The following NR6A1 variants were observed in gnomAD, a reference collection of about 807,000 sequenced individuals.
NR6A1 encodes the protein nuclear receptor subfamily 6 group A member 1, also known as retinoic acid receptor-related testis-associated receptor.
Under a neutral mutation model 59.1 loss-of-function variants are expected in NR6A1, and 7 were observed. That is an observed-to-expected ratio of 0.12 (90% confidence interval 0.07 to 0.22). NR6A1 has a LOEUF of 0.22. NR6A1 is among the 10% of genes least tolerant of loss of function. The pLI is 1.00. For missense variants in NR6A1, 468 were observed against 611.6 expected (o/e 0.77, Z 2.48); for synonymous variants, 243 against 236.1 (o/e 1.03, Z -0.27).
chr9:124,611,994 C>A (rs1433016520), intron 2 of NR6A1, among the ~76,000 whole-genome samples: 1 of 152,106 alleles, frequency 6.6e-6, no homozygotes, highest in Non-Finnish European at 1.5e-5. Flanking sequence ...AGGTGCTTGT[C>A]TTAGCTGGGG....
chr9:124,543,724 T>G, intron 4 of NR6A1, 78 bp downstream of exon 4: 1 of 1,100,302 alleles, frequency 9.1e-7, no homozygotes, highest in Non-Finnish European at 1.3e-6. Context: ...GATGAAAGAG[T>G]CAAGGTGAGC....
intron 2 of NR6A1, among the ~76,000 whole-genome samples, chr9:124,572,137 G>A (rs531908380): frequency 6.8e-4 from 103 of 152,318 alleles, no homozygotes; most frequent in African/African-American, 2.4e-3. Flanking sequence ...AACAGGCTGA[G>A]GGACGAGGCA....
intron 2 of NR6A1, among the ~76,000 whole-genome samples, chr9:124,695,951 T>C (rs1056583315): frequency 2.0e-5 from 3 of 152,128 alleles, no homozygotes; most frequent in African/African-American, 7.2e-5. Flanking sequence ...TTCTCTTGGA[T>C]AAAACTAAGT....
At chr9:124,660,628 T>G in intron 2 of NR6A1, among the ~76,000 whole-genome samples, 1 of 118,722 alleles carries the variant, frequency 8.4e-6, no homozygotes, top group Non-Finnish European at 1.6e-5. Context: ...CTCGATGCAC[T>G]CCTGGCAGCT....
At chr9:124,733,430 T>TG in intron 1 of NR6A1, 81 bp from the exon 2 acceptor site, 3 of 1,075,534 alleles carry the variant, frequency 2.8e-6, no homozygotes. Context: ...ATCATACAGT[T>TG]GGGGGGAAAT....
chr9:124,567,081 C>T (rs1834274340), intron 2 of NR6A1, among the ~76,000 whole-genome samples: 1 of 150,884 alleles, frequency 6.6e-6, no homozygotes, highest in Non-Finnish European at 1.5e-5. Context: ...GCACTCCAGC[C>T]TGGGCGACAG....
intron 2 of NR6A1, among the ~76,000 whole-genome samples, chr9:124,556,939 G>GTACT (rs1391176053): frequency 2.0e-5 from 3 of 151,798 alleles, no homozygotes; most frequent in African/African-American, 4.8e-5. Flanking sequence ...CAAACAGCAG[G>GTACT]TACTCACAGA....
chr9:124,686,892 G>T (rs1047814498), intron 2 of NR6A1, among the ~76,000 whole-genome samples: 16 of 151,794 alleles, frequency 1.1e-4, no homozygotes, highest in African/African-American at 3.9e-4. Context: ...TTGTAGAGAT[G>T]GGGTTCTTGC....
At position 124,543,783 on chromosome 9, in the gene NR6A1, A is replaced by T. The variant is rs772569615; in HGVS notation, c.441+19T>A. On this transcript the variant is annotated intron_variant, in intron 4 of 9. Coordinates refer to ENST00000487099, the MANE Select transcript of NR6A1 (RefSeq NM_033334.4). ...TGGGCTTCCAGGACGGACCACAGAG[A>T]CTGAGGTCTAGAACTCACCTGGACT... 32 of 1,604,458 alleles carry T rather than the reference A, an allele frequency of 2.0e-5. No homozygotes were observed. In the Admixed American group the frequency reaches 5.1e-4, roughly 25 times the overall value.
intron 2 of NR6A1, among the ~76,000 whole-genome samples, chr9:124,608,008 G>A (rs1366835722): frequency 6.6e-6 from 1 of 152,072 alleles, no homozygotes; most frequent in African/African-American, 2.4e-5. Context: ...GGAGGTTGAG[G>A]CTACAGTGAG....
intron 2 of NR6A1, among the ~76,000 whole-genome samples, chr9:124,636,274 A>T (rs1836609147): frequency 6.6e-6 from 1 of 151,928 alleles, no homozygotes; most frequent in Non-Finnish European, 1.5e-5. Context: ...GGTATGTTTT[A>T]TTGAGTTTTA....
At chr9:124,677,655 T>C (rs1170346503) in intron 2 of NR6A1, among the ~76,000 whole-genome samples, 2 of 152,174 alleles carry the variant, frequency 1.3e-5, no homozygotes, top group African/African-American at 4.8e-5. Flanking sequence ...ATATGTTAAC[T>C]ACTATCCAGA....
chr9:124,600,048 T>A (rs1835403604), intron 2 of NR6A1, among the ~76,000 whole-genome samples: 1 of 152,234 alleles, frequency 6.6e-6, no homozygotes, highest in Non-Finnish European at 1.5e-5. Flanking sequence ...TTCTGCCTTA[T>A]TTGTTTTTAA....
At chr9:124,533,226 A>G (rs1036716672) in intron 7 of NR6A1, among the ~76,000 whole-genome samples, 6 of 152,254 alleles carry the variant, frequency 3.9e-5, no homozygotes, top group African/African-American at 1.2e-4. Flanking sequence ...TGACAGCATC[A>G]GAGCAGGCTG....
chr9:124,549,011 T>G (rs1337134267), intron 3 of NR6A1, among the ~76,000 whole-genome samples: 1 of 152,182 alleles, frequency 6.6e-6, no homozygotes, highest in Non-Finnish European at 1.5e-5. Context: ...AAAGTAGGAC[T>G]TGATCATGGC....
intron 2 of NR6A1, among the ~76,000 whole-genome samples, chr9:124,702,253 G>A (rs1416193618): frequency 6.6e-6 from 1 of 152,112 alleles, no homozygotes; most frequent in East Asian, 1.9e-4. Flanking sequence ...ACATTTAGGT[G>A]TATGGTGCAC....
At chr9:124,654,875 T>TACACACACACACACACACACACACACAC (rs3983841) in intron 2 of NR6A1, among the ~76,000 whole-genome samples, 1 of 123,876 alleles carries the variant, frequency 8.1e-6, no homozygotes, top group Non-Finnish European at 1.7e-5. Context: ...TTTTTTTTTG[T>TACACACACACACACACACACACACACAC]ACACACACAC....
chr9:124,588,013 C>T (rs1039000258), intron 2 of NR6A1, among the ~76,000 whole-genome samples: 9 of 152,134 alleles, frequency 5.9e-5, no homozygotes, highest in Non-Finnish European at 1.0e-4. Context: ...TTTTACAAAA[C>T]TAGAACTCCT....
At chr9:124,657,317 A>G (rs1837289328) in intron 2 of NR6A1, among the ~76,000 whole-genome samples, 1 of 152,198 alleles carries the variant, frequency 6.6e-6, no homozygotes, top group Non-Finnish European at 1.5e-5. Context: ...AAAGAGACAG[A>G]TGGAATTATT....
Sources: gnomAD v4.1 joint callset for allele counts (sites outside exome capture counted in the v4.1 genomes callset) on GRCh38, gnomAD v4.1.1 for gene constraint, MANE v1.5 for transcripts, NCBI Gene and HGNC (gene_info 2026-07-23, HGNC 2026-07-21) for gene names.